The following SETD5 variants were observed in gnomAD, a reference collection of about 807,000 sequenced individuals.
SETD5 encodes SET domain containing 5.
In SETD5, 44 loss-of-function variants were observed where a neutral mutation model predicts 153.3. That is an observed-to-expected ratio of 0.29 (90% CI 0.23 to 0.37). The LOEUF is 0.37. Among genes scored for constraint, SETD5 ranks in the 10% least tolerant of loss-of-function variants. SETD5 has a pLI of 1.00. For missense variants in SETD5, 1,544 were observed against 1,768.0 expected (o/e 0.87, Z 2.27); for synonymous variants, 716 against 645.2 (o/e 1.11, Z -1.66).
chr3:9,451,284 T>C (rs1349813338), intron 16 of SETD5, among the ~76,000 whole-genome samples: 1 of 152,234 alleles, frequency 6.6e-6, no homozygotes, highest in East Asian at 1.9e-4. Context: ...CTGCTCAGTG[T>C]TCAGTACTGT....
At chr3:9,463,832 C>T (rs780604166) in intron 17 of SETD5, among the ~76,000 whole-genome samples, 2 of 152,136 alleles carry the variant, frequency 1.3e-5, no homozygotes, top group Non-Finnish European at 2.9e-5. Flanking sequence ...TTCAGAAACT[C>T]AATGTAAAAG....
chr3:9,414,193 A>G (rs1164598796), intron 1 of SETD5, among the ~76,000 whole-genome samples: 1 of 152,254 alleles, frequency 6.6e-6, no homozygotes, highest in African/African-American at 2.4e-5. Flanking sequence ...GTCACAAAGT[A>G]GTTATGCCTA....
At chr3:9,447,025 CTACA>C in intron 13 of SETD5, 21 bp from the exon 14 acceptor site, 1 of 1,571,670 alleles carries the variant, frequency 6.4e-7, no homozygotes, top group Non-Finnish European at 8.6e-7. Context: ...AAGCTTCCTT[CTACA>C]CCAGTACTAT....
At chr3:9,411,858 A>G (rs1465605470) in intron 1 of SETD5, among the ~76,000 whole-genome samples, 2 of 152,234 alleles carry the variant, frequency 1.3e-5, no homozygotes, top group Non-Finnish European at 2.9e-5. Flanking sequence ...CCAACTGTTA[A>G]CAAAGGAATA....
chr3:9,458,900 A>C (rs1245890885), intron 17 of SETD5, among the ~76,000 whole-genome samples: 1 of 152,224 alleles, frequency 6.6e-6, no homozygotes, highest in African/African-American at 2.4e-5. Flanking sequence ...TTTTTGGACC[A>C]TTAATTTTAA....
At chr3:9,418,370 G>A (rs2037860057) in intron 1 of SETD5, among the ~76,000 whole-genome samples, 1 of 152,104 alleles carries the variant, frequency 6.6e-6, no homozygotes, top group African/African-American at 2.4e-5. Context: ...GCTTAGTGCG[G>A]TCTATTAAAA....
At chr3:9,472,066 T>G (rs1041823787) in intron 19 of SETD5, among the ~76,000 whole-genome samples, 6 of 152,220 alleles carry the variant, frequency 3.9e-5, no homozygotes, top group African/African-American at 1.4e-4. Context: ...ATAATTGATT[T>G]CGAAGATTGT....
rs965417133 is a variant in SETD5, at chr3:9,435,438, T to C, written c.389-290T>C. 1.6e-4 allele frequency among the ~76,000 whole-genome samples: 25 copies of C among 152,124 alleles called. 1 individual carries two copies. The highest frequency in any genetic ancestry group is 1.4e-3 in the Admixed American group (22 of 15,266). On this transcript the variant is annotated intron_variant, in intron 6 of 22. Transcript: ENST00000402198. The stretch of plus-strand genomic sequence containing the variant: ...AACACAAAAAATATGGATTCCTGTT[T>C]TAAAAATTAGCCAGTCTCAAATTGT...
intron 8 of SETD5, among the ~76,000 whole-genome samples, chr3:9,441,088 T>C (rs571705727): frequency 6.6e-6 from 1 of 151,992 alleles, no homozygotes; most frequent in African/African-American, 2.4e-5. Context: ...GATACACACC[T>C]GTAAGTCCCA....
intron 19 of SETD5, among the ~76,000 whole-genome samples, chr3:9,472,802 G>GTA (rs1202762761): frequency 6.6e-6 from 1 of 151,936 alleles, no homozygotes; most frequent in Non-Finnish European, 1.5e-5. Flanking sequence ...TTCCCAAGGA[G>GTA]TACAGAACAG....
chr3:9,462,308 C>T (rs936661153), intron 17 of SETD5, among the ~76,000 whole-genome samples: 2 of 152,204 alleles, frequency 1.3e-5, no homozygotes, highest in African/African-American at 4.8e-5. Context: ...ATAGATGGAG[C>T]CAGGCGCGGT....
At chr3:9,417,905 T>C (rs1027827022) in intron 1 of SETD5, among the ~76,000 whole-genome samples, 1 of 151,618 alleles carries the variant, frequency 6.6e-6, no homozygotes, top group African/African-American at 2.4e-5. Flanking sequence ...CATCATATTT[T>C]AAACTTCTGA....
intron 13 of SETD5, among the ~76,000 whole-genome samples, chr3:9,445,965 GTTTTT>G (rs376821559): frequency 6.9e-5 from 6 of 86,462 alleles, no homozygotes; most frequent in African/African-American, 1.9e-4. Flanking sequence ...TGAAGAGGTT[GTTTTT>G]TTTTTTTTTT....
At chr3:9,418,852 A>T (rs1002212319) in intron 1 of SETD5, among the ~76,000 whole-genome samples, 8 of 151,792 alleles carry the variant, frequency 5.3e-5, no homozygotes, top group African/African-American at 1.5e-4. Context: ...GAATTTGCAG[A>T]TAACTTTCAT....
intron 2 of SETD5, among the ~76,000 whole-genome samples, chr3:9,427,778 C>T (rs2125030842): frequency 6.6e-6 from 1 of 152,204 alleles, no homozygotes; most frequent in South Asian, 2.1e-4. Context: ...CTTTTTGTTT[C>T]ATCCTTTCAA....
At position 9,471,578 on chromosome 3, in the gene SETD5, G is replaced by T. The variant is rs563611588; in HGVS notation, c.3195+649G>T. On this transcript the variant is annotated intron_variant, in intron 19 of 22. Transcript: ENST00000402198. ...ATGTTGTTGTATCAGGTGGAAGGCC[G>T]GGGGAGCCAGGAGGAAAGTGCAGAG... 3.3e-5 allele frequency among the ~76,000 whole-genome samples: 5 copies of T among 152,292 alleles called. No individual in the cohort carries two copies. The South Asian group carries it at 1.0e-3, about 32-fold the overall frequency.
intron 17 of SETD5, among the ~76,000 whole-genome samples, chr3:9,460,055 C>A (rs1020458347): frequency 2.0e-5 from 3 of 151,382 alleles, no homozygotes; most frequent in Non-Finnish European, 4.4e-5. Context: ...CCCCCTCCCC[C>A]CCACAAAAAA....
intron 1 of SETD5, among the ~76,000 whole-genome samples, chr3:9,423,034 T>C (rs764178474): frequency 2.0e-5 from 3 of 152,248 alleles, no homozygotes; most frequent in Non-Finnish European, 2.9e-5. Flanking sequence ...TGGTTGTTTA[T>C]TGGACTTTTG....
chr3:9,412,361 G>A (rs955899239), intron 1 of SETD5, among the ~76,000 whole-genome samples: 5 of 147,030 alleles, frequency 3.4e-5, no homozygotes, highest in Admixed American at 1.4e-4. Context: ...AAAAAATAAG[G>A]AGCAAACTAC....
Sources: gnomAD v4.1 joint callset for allele counts (sites outside exome capture counted in the v4.1 genomes callset) on GRCh38, gnomAD v4.1.1 for gene constraint, MANE v1.5 for transcripts, NCBI Gene and HGNC (gene_info 2026-07-23, HGNC 2026-07-21) for gene names.